NADK2: variants seen among roughly 807,000 people sequenced by gnomAD.
NADK2 encodes the protein NAD kinase domain-containing protein 1, mitochondrial.
A neutral mutation model predicts 62.1 loss-of-function variants in NADK2; 35 were observed. That is an observed-to-expected ratio of 0.56 (90% confidence interval 0.43 to 0.75). NADK2 has a LOEUF of 0.75. NADK2 is among the 30% of genes least tolerant of loss of function. The pLI is 0.00. For missense variants in NADK2, 439 were observed against 561.3 expected (o/e 0.78, Z 2.20); for synonymous variants, 205 against 207.9 (o/e 0.99, Z 0.12).
chr5:36,211,858 C>A lies in NADK2; in HGVS notation c.846G>T (p.Glu282Asp). The A allele has an allele frequency of 6.2e-7, 1 of 1,613,284 alleles. No individual in the cohort carries two copies. The highest frequency in any genetic ancestry group is 8.5e-7 in the Non-Finnish European group (1 of 1,179,490). Residue 282 changes from glutamate (E) to aspartate (D), a missense_variant, in exon 7 of 12, where the codon GAG becomes GAT. By Grantham distance (45) the Glu-to-Asp change is conservative. Coordinates refer to ENST00000381937, the MANE Select transcript of NADK2 (RefSeq NM_001085411.3). ...TTTAAAAGTACCTGGATGACAGACT[C>A]TCCCCAATGAAGACTTCATTTAGTG... ...VRALNEVFIGESLSSRASYYE... is the reference protein window; with the variant it reads ...VRALNEVFIGDSLSSRASYYE...
At position 36,241,719 on chromosome 5, in the gene NADK2, C is replaced by G; in HGVS notation, c.80G>C (p.Gly27Ala). Residue 27 changes from glycine to alanine, a missense_variant, in exon 1 of 12, where the codon GGT becomes GCT. Coordinates refer to ENST00000381937, the MANE Select transcript of NADK2 (RefSeq NM_001085411.3). The surrounding 1 kb of genome is among the most constrained non-coding windows in gnomAD (Gnocchi z 4.9). ...GGGCCGCGCGGCGGGGCCTCCCGCA[C>G]CCGGTCCCCGCAGCGCCGCCGCCCG... Reference protein sequence around the residue: ...GGRAAALRGPGAGGPAARPRL... With the variant: ...GGRAAALRGPAAGGPAARPRL... 1.7e-6 allele frequency: 2 copies of G among 1,177,708 alleles called. No individual in the cohort carries two copies. The highest frequency in any genetic ancestry group is 2.1e-6 in the Non-Finnish European group (2 of 955,100). 73.0% of individuals were successfully genotyped at this position (1,177,708 alleles called of 1,614,324 possible).
intron 4 of NADK2, among the ~76,000 whole-genome samples, chr5:36,223,911 T>A (rs1747373932): frequency 6.6e-6 from 1 of 151,718 alleles, no homozygotes; most frequent in African/African-American, 2.4e-5. Context: ...AGGAGTCAAG[T>A]GTGAAGGGAG....
At position 36,211,881 on chromosome 5, in the gene NADK2, G is replaced by A. The variant is rs1169750776; in HGVS notation, c.823C>T (p.Leu275=). 1 of 1,613,432 alleles carries A rather than the reference G, an allele frequency of 6.2e-7. No homozygotes were observed. Among genetic ancestry groups the A allele is most frequent in the Non-Finnish European group, 8.5e-7 (1 of 1,179,704 alleles). ...CTCTCCCCAATGAAGACTTCATTTA[G>A]TGCTCTCACTGGCAGAAGTTGGGGT... is the stretch of plus-strand genomic sequence containing the variant. ...SGPQLLPVRA[L]NEVFIGESLS... is the part of the protein sequence containing the mutation. Residue 275 remains leucine (L), a synonymous_variant, in exon 7 of 12, where the codon CTA becomes TTA. Coordinates refer to ENST00000381937, the MANE Select transcript of NADK2 (RefSeq NM_001085411.3).
At chr5:36,209,035 A>C (rs1746745220) in intron 7 of NADK2, among the ~76,000 whole-genome samples, 1 of 152,178 alleles carries the variant, frequency 6.6e-6, no homozygotes, top group Non-Finnish European at 1.5e-5. Context: ...TGCCTGACAC[A>C]CAGCAGGCAT....
upstream of NADK2, chr5:36,242,014 C>G: frequency 3.9e-6 from 1 of 256,186 alleles, no homozygotes; most frequent in Non-Finnish European, 7.2e-6. Context: ...ACGGGAGACC[C>G]CACGCGGGAG....
At chr5:36,228,281 G>A (rs1054752424) in intron 1 of NADK2, among the ~76,000 whole-genome samples, 1 of 152,044 alleles carries the variant, frequency 6.6e-6, no homozygotes, top group African/African-American at 2.4e-5. Flanking sequence ...AAAATGTAGA[G>A]AAAAAAGTTC....
intron 4 of NADK2, among the ~76,000 whole-genome samples, chr5:36,220,094 T>C (rs1163903757): frequency 2.0e-5 from 3 of 152,196 alleles, no homozygotes; most frequent in Non-Finnish European, 4.4e-5. Context: ...TAGCATCAGC[T>C]TCCTCATCTC....
intron 1 of NADK2, among the ~76,000 whole-genome samples, chr5:36,233,995 T>C: frequency 6.6e-6 from 1 of 152,242 alleles, no homozygotes; most frequent in East Asian, 1.9e-4. Flanking sequence ...AAATTATTTG[T>C]ACTTCTAATT....
In NADK2 at chr5:36,203,179, T is replaced by C. The variant is rs78922433; in HGVS notation, c.957-2018A>G. On this transcript the variant is annotated intron_variant, in intron 8 of 11. Coordinates refer to ENST00000381937, the MANE Select transcript of NADK2 (RefSeq NM_001085411.3). ...GAAAGTCAGTTAACTTATGAAACTTTTTGGATTCTACTTATGAAAATAAAA... is the reference window on the plus strand; with the variant it reads ...GAAAGTCAGTTAACTTATGAAACTTCTTGGATTCTACTTATGAAAATAAAA... Among the ~76,000 whole-genome samples the C allele has an allele frequency of 6.3e-3, 963 of 152,252 alleles. 8 individuals are homozygous for C. Among genetic ancestry groups the C allele is most frequent in the Non-Finnish European group, 0.011 (769 of 67,976 alleles).
In NADK2 at chr5:36,241,625, A is replaced by C. The variant is rs1309048197; in HGVS notation, c.174T>G (p.Cys58Trp). ...GGAAGCCGCCGTCCGCGCGGCTGCC[A>C]CAGCCCGCCAGCTCGCGCGGCTGCC... ...GQGQPRELAGCGSRADGGFRP... is the reference protein window; with the variant it reads ...GQGQPRELAGWGSRADGGFRP... Residue 58 changes from cysteine to tryptophan, a missense_variant, in exon 1 of 12, where the codon TGT becomes TGG. By Grantham distance (215) the Cys-to-Trp change is radical. Coordinates refer to ENST00000381937, the MANE Select transcript of NADK2 (RefSeq NM_001085411.3). This position sits in a 1 kb window ranked among gnomAD's most constrained non-coding sequence, Gnocchi z 4.9. The C allele has an allele frequency of 6.8e-7, 1 of 1,474,706 alleles. No individual in the cohort carries two copies. Among genetic ancestry groups the C allele is most frequent in the Non-Finnish European group, 8.9e-7 (1 of 1,118,452 alleles). The allele number at this position is 1,474,706 out of a possible 1,614,324, so 91.4% of individuals were successfully genotyped here. A position where few individuals can be genotyped will look rare whatever the true frequency, so the allele number is the denominator to read the frequency against.
At position 36,193,493 on chromosome 5, in the gene NADK2, AAAG is replaced by A. The variant is rs1273464676; in HGVS notation, c.*1648_*1650del. ...CGTTCTCAAAAAAAAAAAAAAAAAA[AAAG>A]AAGGTATTTTAAGCCTGTTAGGGGA... On this transcript the variant is annotated 3_prime_UTR_variant, in exon 12 of 12. Transcript: ENST00000381937. 8.7e-4 allele frequency: 131 copies of A among 151,418 alleles called. No individual in the cohort carries two copies. The highest frequency in any genetic ancestry group is 2.9e-3 in the African/African-American group (121 of 41,218). The allele number at this position is 151,418 out of a possible 1,614,324, so 9.4% of individuals were successfully genotyped here.
intron 1 of NADK2, among the ~76,000 whole-genome samples, chr5:36,240,841 C>G (rs1748081757): frequency 6.6e-6 from 1 of 152,158 alleles, no homozygotes; most frequent in Admixed American, 6.5e-5. Context: ...CGTACATATA[C>G]AAGTCAAATT....
chr5:36,197,690 C>G lies in NADK2; in HGVS notation c.1067-26G>C. The G allele has an allele frequency of 1.3e-6, 2 of 1,513,254 alleles. No homozygotes were observed. Among genetic ancestry groups the G allele is most frequent in the Non-Finnish European group, 8.8e-7 (1 of 1,135,860 alleles). 93.7% of individuals were successfully genotyped at this position (1,513,254 alleles called of 1,614,324 possible). On this transcript the variant is annotated intron_variant, in intron 10 of 11. Transcript: ENST00000381937. The stretch of plus-strand genomic sequence containing the variant: ...CTACAAAGAAAAAAAAATTAGCACA[C>G]TCAATAAAAGATGGTCACTTCTGAG...
chr5:36,200,336 T>C (rs1313100410), intron 9 of NADK2, 56 bp from the exon 10 acceptor site: 4 of 1,138,560 alleles, frequency 3.5e-6, no homozygotes, highest in African/African-American at 1.7e-5. Context: ...ATCTTATATA[T>C]ATATTTTCCT....
chr5:36,209,534 T>C (rs1297051940), intron 7 of NADK2, among the ~76,000 whole-genome samples: 1 of 152,154 alleles, frequency 6.6e-6, no homozygotes, highest in African/African-American at 2.4e-5. Flanking sequence ...TCCAATCTCA[T>C]TTAAAGTTCT....
At chr5:36,220,053 T>A (rs1360924289) in intron 4 of NADK2, among the ~76,000 whole-genome samples, 2 of 152,208 alleles carry the variant, frequency 1.3e-5, no homozygotes, top group African/African-American at 4.8e-5. Context: ...ACCTTTAAAT[T>A]ATTTAACTAT....
chr5:36,224,247 G>A (rs141127370), intron 4 of NADK2, among the ~76,000 whole-genome samples: 154 of 152,270 alleles, frequency 1.0e-3, no homozygotes, highest in African/African-American at 3.4e-3. Flanking sequence ...TGCAGAAGTA[G>A]AAAGGATGAT....
At position 36,241,477 on chromosome 5, in the gene NADK2, G is replaced by A. The variant is rs748273732; in HGVS notation, c.300+22C>T. The A allele has an allele frequency of 2.6e-6, 4 of 1,514,642 alleles. No individual in the cohort carries two copies. Among genetic ancestry groups the A allele is most frequent in the Non-Finnish European group, 3.5e-6 (4 of 1,138,064 alleles). The allele number at this position is 1,514,642 out of a possible 1,614,324, so 93.8% of individuals were successfully genotyped here. A position where few individuals can be genotyped will look rare whatever the true frequency, so the allele number is the denominator to read the frequency against. On this transcript the variant is annotated intron_variant, in intron 1 of 11. Coordinates refer to ENST00000381937, the MANE Select transcript of NADK2 (RefSeq NM_001085411.3). This position sits in a 1 kb window ranked among gnomAD's most constrained non-coding sequence, Gnocchi z 4.9. ...AGCCCCGGCCGAGCCCGGGAGCGAA[G>A]CGGGGCCGAGCCAGGACCCACCAGC...
At chr5:36,206,311 T>TTA (rs11440964) in intron 8 of NADK2, among the ~76,000 whole-genome samples, 1 of 144,614 alleles carries the variant, frequency 6.9e-6, no homozygotes, top group Non-Finnish European at 1.5e-5. Context: ...TTTTTAAAGT[T>TTA]AAAAAAAAAA....
Sources: allele counts gnomAD v4.1 joint callset (sites outside exome capture counted in the v4.1 genomes callset), GRCh38; gene constraint gnomAD v4.1.1; non-coding constraint Gnocchi (gnomAD v3.1); transcripts MANE v1.5; gene names NCBI Gene and HGNC (gene_info 2026-07-23, HGNC 2026-07-21).